Variants in SLC35E3 observed in about 807,000 individuals in gnomAD.
The protein encoded by SLC35E3 is solute carrier family 35 member E3.
In SLC35E3, 28 loss-of-function variants were observed where a neutral mutation model predicts 30.8. That is an observed-to-expected ratio of 0.91 (90% CI 0.67 to 1.25). The LOEUF (loss-of-function observed/expected upper bound fraction) is 1.25, where lower values mean the gene tolerates loss of function less well. Among genes scored for constraint, SLC35E3 ranks in the 50% most tolerant of loss-of-function variants. SLC35E3 has a pLI of 0.00. For missense variants in SLC35E3, 365 were observed against 375.4 expected (o/e 0.97, Z 0.23); for synonymous variants, 146 against 149.2 (o/e 0.98, Z 0.16).
chr12:68,746,401 G>T lies in SLC35E3; in HGVS notation c.24G>T (p.Val8=). The change falls in exon 1 of 5, where the codon GTG becomes GTT. Residue 8 remains valine (V), a synonymous_variant. Coordinates refer to ENST00000398004, the MANE Select transcript of SLC35E3 (RefSeq NM_018656.5). ...TCATGGCATTGCTGGTGGACCGAGT[G>T]CGGGGCCACTGGCGAATCGCCGCCG... The part of the protein sequence containing the change: MALLVDR[V]RGHWRIAAGL... 5 of 1,603,402 alleles carry T rather than the reference G, an allele frequency of 3.1e-6. No homozygotes were observed. The highest frequency in any genetic ancestry group is 2.2e-5 in the East Asian group (1 of 44,832).
chr12:68,746,479 G>A lies in SLC35E3; in HGVS notation c.102G>A (p.Trp34Ter), dbSNP rs753972542. Reference protein sequence around the residue: ...VSICIVFLNKWIYVYHGFPNM... With the variant: ...VSICIVFLNK ...TCTGCATTGTGTTCCTCAACAAATGGATTTATGTGTACCACGGCTTCCCCA... is the reference window on the plus strand; with the variant it reads ...TCTGCATTGTGTTCCTCAACAAATGAATTTATGTGTACCACGGCTTCCCCA... The change falls in exon 1 of 5, where the codon TGG becomes TGA. Residue 34 changes from tryptophan (W) to a stop codon, truncating the protein, a stop_gained. Transcript: ENST00000398004. LOFTEE classifies it high-confidence loss of function. The A allele has an allele frequency of 6.0e-5, 97 of 1,614,068 alleles. No individual in the cohort carries two copies. Among genetic ancestry groups the A allele is most frequent in the Non-Finnish European group, 8.5e-6 (10 of 1,180,034 alleles).
intron 2 of SLC35E3, among the ~76,000 whole-genome samples, chr12:68,749,795 G>A (rs1384148070): frequency 1.3e-5 from 2 of 152,218 alleles, no homozygotes; most frequent in African/African-American, 4.8e-5. Context: ...TTTGTTTGGT[G>A]AGGCTAGGCA....
rs904772111 is a variant in SLC35E3, at chr12:68,746,443, G to T, written c.66G>T (p.Leu22=). ...WRIAAGLLFN[L]LVSICIVFLN... is the part of the protein sequence containing the mutation. The stretch of plus-strand genomic sequence containing the variant: ...TCGCCGCCGGGCTCCTGTTCAACCT[G>T]CTGGTGTCCATCTGCATTGTGTTCC... Residue 22 remains leucine (L), a synonymous_variant, in exon 1 of 5, where the codon CTG becomes CTT. Transcript: ENST00000398004. 2 of 1,613,778 alleles carry T rather than the reference G, an allele frequency of 1.2e-6. No individual in the cohort carries two copies. Among genetic ancestry groups the T allele is most frequent in the Admixed American group, 3.3e-5 (2 of 59,992 alleles).
In SLC35E3 at chr12:68,773,643, T is replaced by C. The variant is rs1879663328; in HGVS notation, c.*8753T>C. The C allele has an allele frequency of 6.6e-6, 1 of 152,104 alleles. No individual in the cohort carries two copies. Among genetic ancestry groups the C allele is most frequent in the Non-Finnish European group, 1.5e-5 (1 of 68,058 alleles). The allele number at this position is 152,104 out of a possible 1,614,324, so 9.4% of individuals were successfully genotyped here. ...GTCTCCAACTCCTGGCCTCAAGTGATCCTCTTGCTCTGCCTCCCGAAGTGC... is the reference window on the plus strand; with the variant it reads ...GTCTCCAACTCCTGGCCTCAAGTGACCCTCTTGCTCTGCCTCCCGAAGTGC... On this transcript the variant is annotated 3_prime_UTR_variant, in exon 5 of 5. Coordinates refer to ENST00000398004, the MANE Select transcript of SLC35E3 (RefSeq NM_018656.5).
chr12:68,756,742 C>T (rs1171160315), intron 3 of SLC35E3, among the ~76,000 whole-genome samples: 2 of 152,214 alleles, frequency 1.3e-5, no homozygotes, highest in East Asian at 3.8e-4. Context: ...TGGCTCACCC[C>T]TGTAATCCCA....
At chr12:68,753,251 C>T (rs1373030308) in intron 3 of SLC35E3, among the ~76,000 whole-genome samples, 1 of 151,716 alleles carries the variant, frequency 6.6e-6, no homozygotes, top group Non-Finnish European at 1.5e-5. Context: ...CACTGCACTC[C>T]AGCCTGGGCC....
Position 68,768,431 on chromosome 12 carries a change from A to C in SLC35E3, c.*3541A>C, listed in dbSNP as rs147760219. 3 of 152,316 alleles carry C rather than the reference A, an allele frequency of 2.0e-5. No homozygotes were observed. In the East Asian group the frequency reaches 5.8e-4, roughly 29 times the overall value. 9.4% of individuals were successfully genotyped at this position (152,316 alleles called of 1,614,324 possible). ...TACATGTATATAAATGAATAAAATA[A>C]GTACTGCTAAAACTTGAGTCTGATA... is the stretch of plus-strand genomic sequence containing the variant. On this transcript the variant is annotated 3_prime_UTR_variant, in exon 5 of 5. Transcript: ENST00000398004.
chr12:68,762,495 T>G (rs1465998377), intron 4 of SLC35E3, among the ~76,000 whole-genome samples: 2 of 152,228 alleles, frequency 1.3e-5, no homozygotes, highest in East Asian at 1.9e-4. Context: ...TGGAGGGCAC[T>G]GGGTTTGACC....
intron 3 of SLC35E3, among the ~76,000 whole-genome samples, chr12:68,753,891 C>T (rs1251536317): frequency 5.3e-5 from 8 of 152,056 alleles, no homozygotes; most frequent in Non-Finnish European, 1.0e-4. Flanking sequence ...CACTCTGTCG[C>T]CCAGGCTGGA....
chr12:68,756,883 C>T (rs1401158232), intron 3 of SLC35E3, among the ~76,000 whole-genome samples: 2 of 152,178 alleles, frequency 1.3e-5, no homozygotes, highest in African/African-American at 2.4e-5. Context: ...GGCGTGGTGG[C>T]TGGTGCCTGT....
At chr12:68,751,003 A>G (rs1227768191) in intron 2 of SLC35E3, among the ~76,000 whole-genome samples, 1 of 152,018 alleles carries the variant, frequency 6.6e-6, no homozygotes, top group East Asian at 1.9e-4. Flanking sequence ...TTTTTCAGTT[A>G]TATTTGTGAA....
At position 68,778,444 on chromosome 12, in the gene SLC35E3, G is replaced by A. The variant is rs933633192; in HGVS notation, c.*13554G>A. The A allele has an allele frequency of 6.6e-6, 1 of 152,180 alleles. No homozygotes were observed. The highest frequency in any genetic ancestry group is 2.4e-5 in the African/African-American group (1 of 41,428). 9.4% of individuals were successfully genotyped at this position (152,180 alleles called of 1,614,324 possible). A position where few individuals can be genotyped will look rare whatever the true frequency, so the allele number is the denominator to read the frequency against. On this transcript the variant is annotated 3_prime_UTR_variant, in exon 5 of 5. Coordinates refer to ENST00000398004, the MANE Select transcript of SLC35E3 (RefSeq NM_018656.5). ...GTTTATAACAGTAAAGATGAACAGA[G>A]ATCATATTATAAATAGTTGGAAGAT...
Position 68,759,165 on chromosome 12 carries a change from G to A in SLC35E3, c.681G>A (p.Val227=), listed in dbSNP as rs761715611. The A allele has an allele frequency of 6.2e-7, 1 of 1,611,172 alleles. No homozygotes were observed. Among genetic ancestry groups the A allele is most frequent in the African/African-American group, 1.3e-5 (1 of 74,962 alleles). ...GPWSVSALLM[V]LLSGVIAFMV... ...TTTTGGTTTATTTGTAGCTTATGGT[G>A]CTGCTATCTGGAGTAATAGCTTTCA... The change falls in exon 4 of 5, where the codon GTG becomes GTA. Residue 227 remains valine (V), a synonymous_variant. Transcript: ENST00000398004.
chr12:68,759,097 T>A (rs1879146773), intron 3 of SLC35E3, 60 bp from the exon 4 acceptor site: 1 of 1,155,140 alleles, frequency 8.7e-7, no homozygotes, highest in Non-Finnish European at 1.3e-6. Flanking sequence ...GAAATGTATC[T>A]TTGCTTGATG....
At chr12:68,749,400 A>G (rs977287121) in intron 2 of SLC35E3, among the ~76,000 whole-genome samples, 2 of 152,244 alleles carry the variant, frequency 1.3e-5, no homozygotes, top group Non-Finnish European at 2.9e-5. Context: ...TGCTGGAGAC[A>G]TTAAAAGGAG....
At position 68,765,119 on chromosome 12, in the gene SLC35E3, G is replaced by C. The variant is rs1180358621; in HGVS notation, c.*229G>C. 2 of 306,950 alleles carry C rather than the reference G, an allele frequency of 6.5e-6. No homozygotes were observed. The highest frequency in any genetic ancestry group is 1.4e-4 in the East Asian group (2 of 14,812). 19.0% of individuals were successfully genotyped at this position (306,950 alleles called of 1,614,324 possible). A position where few individuals can be genotyped will look rare whatever the true frequency, so the allele number is the denominator to read the frequency against. On this transcript the variant is annotated 3_prime_UTR_variant, in exon 5 of 5. Transcript: ENST00000398004. ...TAATAATACAAAATTAGCCAGGCGT[G>C]GTGGCGCATGCCTGTAATCCCAGCT... is the stretch of plus-strand genomic sequence containing the variant.
chr12:68,754,314 C>CA (rs1222562038), intron 3 of SLC35E3, among the ~76,000 whole-genome samples: 1 of 152,060 alleles, frequency 6.6e-6, no homozygotes, highest in East Asian at 1.9e-4. Context: ...GTCAGAGTCT[C>CA]ACTCTGTCAC....
Position 68,771,022 on chromosome 12 carries a change from C to T in SLC35E3, c.*6132C>T, listed in dbSNP as rs1188334038. The T allele has an allele frequency of 2.0e-5, 3 of 153,616 alleles. No homozygotes were observed. The highest frequency in any genetic ancestry group is 4.3e-5 in the Non-Finnish European group (3 of 69,118). The allele number at this position is 153,616 out of a possible 1,614,324, so 9.5% of individuals were successfully genotyped here. A position where few individuals can be genotyped will look rare whatever the true frequency, so the allele number is the denominator to read the frequency against. ...GGCATGGTGGCTCAGGCTTGTAATC[C>T]CAGCACTTTGGGAAGCTGAGGCAGT... On this transcript the variant is annotated 3_prime_UTR_variant, in exon 5 of 5. Transcript: ENST00000398004.
chr12:68,766,794 A>C lies in SLC35E3; in HGVS notation c.*1904A>C, dbSNP rs1355133032. 1 of 450,290 alleles carries C rather than the reference A, an allele frequency of 2.2e-6. No individual in the cohort carries two copies. Among genetic ancestry groups the C allele is most frequent in the Non-Finnish European group, 4.4e-6 (1 of 224,948 alleles). The allele number at this position is 450,290 out of a possible 1,614,324, so 27.9% of individuals were successfully genotyped here. A position where few individuals can be genotyped will look rare whatever the true frequency, so the allele number is the denominator to read the frequency against. ...GAGACAGAGTTTTGCCATGTTGCTCAGGCTGATCTCAAACTCTTGAGCTCA... is the reference window on the plus strand; with the variant it reads ...GAGACAGAGTTTTGCCATGTTGCTCCGGCTGATCTCAAACTCTTGAGCTCA... On this transcript the variant is annotated 3_prime_UTR_variant, in exon 5 of 5. Transcript: ENST00000398004.
Sources: gnomAD v4.1 joint callset for allele counts (sites outside exome capture counted in the v4.1 genomes callset) on GRCh38, gnomAD v4.1.1 for gene constraint, MANE v1.5 for transcripts, NCBI Gene and HGNC (gene_info 2026-07-23, HGNC 2026-07-21) for gene names.